PITPNC1: variants seen among roughly 807,000 people sequenced by gnomAD.
PITPNC1 encodes cytoplasmic phosphatidylinositol transfer protein 1.
PITPNC1 carries 18 observed loss-of-function variants against 44.7 expected under a neutral mutation model. The ratio of observed to expected loss-of-function variants is 0.40; its 90% CI spans 0.28 to 0.60. The LOEUF (loss-of-function observed/expected upper bound fraction) is 0.60, where lower values mean the gene tolerates loss of function less well. Among genes scored for constraint, PITPNC1 ranks in the 20% least tolerant of loss-of-function variants. The pLI, the probability that PITPNC1 is intolerant of heterozygous loss-of-function variation, is 0.39. For missense variants in PITPNC1, 290 were observed against 418.4 expected (o/e 0.69, Z 2.68); for synonymous variants, 141 against 149.6 (o/e 0.94, Z 0.42).
At chr17:67,484,587 G>A (rs765957354) in intron 1 of PITPNC1, among the ~76,000 whole-genome samples, 21 of 152,154 alleles carry the variant, frequency 1.4e-4, no homozygotes, top group Admixed American at 6.5e-4. Context: ...TTGCCAGTTG[G>A]TCTGGACCTG....
At position 67,513,353 on chromosome 17, in the gene PITPNC1, GTATCTATATCTATATCTATATCTA is replaced by G. The variant is rs66547837; in HGVS notation, c.49-19418_49-19395del. 6.6e-3 allele frequency among the ~76,000 whole-genome samples: 912 copies of G among 139,234 alleles called. 7 individuals carry two copies. The highest frequency in any genetic ancestry group is 0.02 in the East Asian group (97 of 4,818). The allele number at this position is 139,234 out of a possible 152,430, so 91.3% of individuals were successfully genotyped here. On this transcript the variant is annotated intron_variant, in intron 1 of 8. Transcript: ENST00000581322. The stretch of plus-strand genomic sequence containing the variant: ...AGCCTGGGTGACACAGGAAGAGTCT[GTATCTATATCTATATCTATATCTA>G]TATCTATATCTATATCTATATCTAT...
chr17:67,475,978 T>C (rs192183764), intron 1 of PITPNC1, among the ~76,000 whole-genome samples: 3 of 152,272 alleles, frequency 2.0e-5, no homozygotes, highest in Non-Finnish European at 1.5e-5. Context: ...GCAGTCCTTA[T>C]TTGTGGAATT....
chr17:67,520,900 A>G (rs2040317403), intron 1 of PITPNC1, among the ~76,000 whole-genome samples: 1 of 152,198 alleles, frequency 6.6e-6, no homozygotes, highest in Non-Finnish European at 1.5e-5. Context: ...GTAACCTGTA[A>G]GTGCTGCATG....
chr17:67,404,040 C>T (rs1292886301), intron 1 of PITPNC1, among the ~76,000 whole-genome samples: 1 of 152,050 alleles, frequency 6.6e-6, no homozygotes, highest in Admixed American at 6.6e-5. Context: ...CAAACAAAAT[C>T]CCTGGGCTTT....
intron 1 of PITPNC1, among the ~76,000 whole-genome samples, chr17:67,531,396 T>A (rs2040459615): frequency 6.6e-6 from 1 of 152,200 alleles, no homozygotes. Context: ...ATGTGACCGT[T>A]CTGGAGAGGG....
chr17:67,572,475 G>GGC (rs1555668922), intron 4 of PITPNC1, among the ~76,000 whole-genome samples: 1 of 116,624 alleles, frequency 8.6e-6, no homozygotes, highest in Non-Finnish European at 1.8e-5. Context: ...AAGCGGGGGG[G>GGC]GGGGGTAAAG....
intron 1 of PITPNC1, among the ~76,000 whole-genome samples, chr17:67,494,770 A>C (rs1417966226): frequency 6.6e-6 from 1 of 152,002 alleles, no homozygotes; most frequent in Admixed American, 6.6e-5. Context: ...CCAGGAGTTC[A>C]AGACCAGCCT....
At chr17:67,446,087 C>T (rs2039088529) in intron 1 of PITPNC1, among the ~76,000 whole-genome samples, 1 of 152,044 alleles carries the variant, frequency 6.6e-6, no homozygotes, top group African/African-American at 2.4e-5. Context: ...GCTGGGATTA[C>T]AGGCGTGCGC....
At chr17:67,514,452 C>T (rs1033918157) in intron 1 of PITPNC1, among the ~76,000 whole-genome samples, 1 of 150,740 alleles carries the variant, frequency 6.6e-6, no homozygotes, top group Non-Finnish European at 1.5e-5. Context: ...CCGCCTGCCT[C>T]GGCCTCCCAA....
At chr17:67,667,594 AAAT>A (rs2042442962) in intron 6 of PITPNC1, among the ~76,000 whole-genome samples, 1 of 151,900 alleles carries the variant, frequency 6.6e-6, no homozygotes, top group Admixed American at 6.6e-5. Context: ...TCTCTGAAAA[AAAT>A]AATCTTCTAA....
At chr17:67,425,263 A>ACACACG (rs71139145) in intron 1 of PITPNC1, among the ~76,000 whole-genome samples, 1 of 119,476 alleles carries the variant, frequency 8.4e-6, no homozygotes, top group Non-Finnish European at 1.9e-5. Context: ...ACACACACAC[A>ACACACG]GAGGGAGAGA....
intron 5 of PITPNC1, among the ~76,000 whole-genome samples, chr17:67,600,791 C>A (rs1050856477): frequency 6.0e-5 from 9 of 150,906 alleles, no homozygotes; most frequent in Admixed American, 4.6e-4. Flanking sequence ...AGTTTTAATG[C>A]AATTACTTTT....
chr17:67,622,244 G>C (rs1228763106), intron 5 of PITPNC1, among the ~76,000 whole-genome samples: 2 of 130,822 alleles, frequency 1.5e-5, no homozygotes, highest in Admixed American at 1.6e-4. Flanking sequence ...GTGACAGAGC[G>C]AGACTGCATC....
Position 67,696,744 on chromosome 17 carries a change from A to G in PITPNC1, c.*3856A>G, listed in dbSNP as rs745321026. On this transcript the variant is annotated 3_prime_UTR_variant, in exon 9 of 9. Coordinates refer to ENST00000581322, the MANE Select transcript of PITPNC1 (RefSeq NM_012417.4). ...AAAACAATCTGTTTGCATTTGAAAT[A>G]TAAGTGTTTAAGCTTTTTAGGAGTT... 6.6e-6 allele frequency: 1 copy of G among 152,248 alleles called. No individual in the cohort carries two copies. Among genetic ancestry groups the G allele is most frequent in the African/African-American group, 2.4e-5 (1 of 41,472 alleles). 9.4% of individuals were successfully genotyped at this position (152,248 alleles called of 1,614,324 possible).
At chr17:67,632,274 T>C (rs1438166288) in intron 6 of PITPNC1, 36 bp downstream of exon 6, 4 of 1,235,754 alleles carry the variant, frequency 3.2e-6, no homozygotes, top group Admixed American at 1.7e-5. Context: ...GGAAGATTCA[T>C]TCATTCATTC....
At chr17:67,587,174 A>G (rs902122534) in intron 5 of PITPNC1, among the ~76,000 whole-genome samples, 1 of 152,134 alleles carries the variant, frequency 6.6e-6, no homozygotes, top group Non-Finnish European at 1.5e-5. Flanking sequence ...GAGACTGCCA[A>G]GTGGAAATGA....
chr17:67,633,887 C>G (rs548426141), intron 6 of PITPNC1, among the ~76,000 whole-genome samples: 5 of 152,262 alleles, frequency 3.3e-5, no homozygotes, highest in Non-Finnish European at 5.9e-5. Context: ...AAACTCTGAA[C>G]TAATTTCAGC....
chr17:67,602,592 C>T (rs1598874080), intron 5 of PITPNC1, among the ~76,000 whole-genome samples: 1 of 152,220 alleles, frequency 6.6e-6, no homozygotes, highest in East Asian at 1.9e-4. Flanking sequence ...CCAGAGAGTT[C>T]ATGAAGCCAG....
chr17:67,412,973 A>G (rs1008597501), intron 1 of PITPNC1, among the ~76,000 whole-genome samples: 2 of 152,084 alleles, frequency 1.3e-5, no homozygotes, highest in African/African-American at 4.8e-5. Flanking sequence ...TTCCTCCTTA[A>G]TGAGTTGGTT....
Sources: gnomAD v4.1 joint callset for allele counts (sites outside exome capture counted in the v4.1 genomes callset) on GRCh38, gnomAD v4.1.1 for gene constraint, MANE v1.5 for transcripts, NCBI Gene and HGNC (gene_info 2026-07-23, HGNC 2026-07-21) for gene names.